Variants in TEKT3 observed in about 807,000 individuals in gnomAD.
TEKT3 encodes the protein tektin-3.
TEKT3 carries 49 observed loss-of-function variants against 49.8 expected under a neutral mutation model. The ratio of observed to expected loss-of-function variants is 0.98; its 90% CI spans 0.78 to 1.25. TEKT3 has a LOEUF of 1.25. Among genes scored for constraint, TEKT3 ranks in the 50% most tolerant of loss-of-function variants. The pLI is 0.00. For missense variants in TEKT3, 595 were observed against 629.5 expected (o/e 0.95, Z 0.59); for synonymous variants, 225 against 237.2 (o/e 0.95, Z 0.47).
intron 3 of TEKT3, among the ~76,000 whole-genome samples, chr17:15,328,455 G>A (rs1276538775): frequency 2.0e-5 from 3 of 152,156 alleles, no homozygotes; most frequent in African/African-American, 7.2e-5. Flanking sequence ...ATTTTCTACT[G>A]AGAATAGGAA....
At position 15,303,923 on chromosome 17, in the gene TEKT3, C is replaced by T. The variant is rs760951084; in HGVS notation, c.*13G>A. ...TTAACTTAGGGGTATCAAAACCACA[C>T]CCGGTGGGGTCCCTAGCAGAAGCCG... On this transcript the variant is annotated 3_prime_UTR_variant, in exon 9 of 9. Transcript: ENST00000395930. 2 of 1,613,322 alleles carry T rather than the reference C, an allele frequency of 1.2e-6. No homozygotes were observed. The highest frequency in any genetic ancestry group is 1.7e-6 in the Non-Finnish European group (2 of 1,179,880).
chr17:15,329,501 C>A (rs533321257), intron 3 of TEKT3, among the ~76,000 whole-genome samples: 1 of 152,264 alleles, frequency 6.6e-6, no homozygotes, highest in South Asian at 2.1e-4. Context: ...TAAAGGCAGT[C>A]AAGGGTAGGA....
intron 8 of TEKT3, among the ~76,000 whole-genome samples, chr17:15,306,639 C>T (rs1910563648): frequency 6.6e-6 from 1 of 151,766 alleles, no homozygotes; most frequent in Non-Finnish European, 1.5e-5. Context: ...TTCCGAAGTC[C>T]TATTAGACCA....
At chr17:15,316,158 G>A (rs544355518) in intron 5 of TEKT3, among the ~76,000 whole-genome samples, 7 of 152,348 alleles carry the variant, frequency 4.6e-5, no homozygotes, top group Admixed American at 3.9e-4. Flanking sequence ...TGCCTTAGGT[G>A]ATTATGCTGA....
At chr17:15,314,890 A>G (rs1272074918) in intron 5 of TEKT3, among the ~76,000 whole-genome samples, 1 of 152,176 alleles carries the variant, frequency 6.6e-6, no homozygotes, top group African/African-American at 2.4e-5. Flanking sequence ...TGCTGGAAGG[A>G]AGAGGCCTCA....
rs148143305 is a variant in TEKT3 at position 15,305,395 on chromosome 17, A to G, written c.1257-1243T>C. On this transcript the variant is annotated intron_variant, in intron 8 of 8. Coordinates refer to ENST00000395930, the MANE Select transcript of TEKT3 (RefSeq NM_031898.3). ...GGGGAAGAATTAAAGTTTAAGTGCCAAAGTTTGGTTTTGTCTGGGGACGGT... is the reference window on the plus strand; with the variant it reads ...GGGGAAGAATTAAAGTTTAAGTGCCGAAGTTTGGTTTTGTCTGGGGACGGT... Among the ~76,000 whole-genome samples, 516 of 152,336 alleles carry G rather than the reference A, an allele frequency of 3.4e-3. 3 individuals carry two copies. Among genetic ancestry groups the G allele is most frequent in the Non-Finnish European group, 6.1e-3 (415 of 68,028 alleles).
chr17:15,314,359 G>A lies in TEKT3; in HGVS notation c.735-129C>T, dbSNP rs183894221. On this transcript the variant is annotated intron_variant, in intron 5 of 8. Transcript: ENST00000395930. ...CACCATCTCTCCCTCTTCACACAGCGTTCAATTTCTCAGTCAAAACGAGCA... is the reference window on the plus strand; with the variant it reads ...CACCATCTCTCCCTCTTCACACAGCATTCAATTTCTCAGTCAAAACGAGCA... The A allele has an allele frequency of 2.0e-3, 2,604 of 1,301,900 alleles. 7 individuals are homozygous for A. The highest frequency in any genetic ancestry group is 2.3e-3 in the Non-Finnish European group (2,173 of 925,526). The allele number at this position is 1,301,900 out of a possible 1,614,324, so 80.6% of individuals were successfully genotyped here.
At chr17:15,310,241 G>A (rs1910713868) in intron 7 of TEKT3, among the ~76,000 whole-genome samples, 1 of 152,156 alleles carries the variant, frequency 6.6e-6, no homozygotes, top group Non-Finnish European at 1.5e-5. Flanking sequence ...CGTTTTCTGT[G>A]TGCATGTCTT....
chr17:15,323,297 C>T (rs1197699676), intron 4 of TEKT3, among the ~76,000 whole-genome samples: 1 of 152,178 alleles, frequency 6.6e-6, no homozygotes, highest in Non-Finnish European at 1.5e-5. Flanking sequence ...AAGGAAAAGC[C>T]TCTTGTGGGA....
At chr17:15,327,136 T>A (rs1392813844) in intron 4 of TEKT3, among the ~76,000 whole-genome samples, 1 of 149,434 alleles carries the variant, frequency 6.7e-6, no homozygotes, top group Non-Finnish European at 1.5e-5. Context: ...GCAACCTAAC[T>A]ATATAAGAGA....
At chr17:15,340,625 C>T (rs1912186441) in intron 1 of TEKT3, 1 of 152,052 alleles carries the variant, frequency 6.6e-6, no homozygotes, top group Non-Finnish European at 1.5e-5. Context: ...TAAGTAAATG[C>T]TAAATTCTGT....
At chr17:15,322,196 G>A (rs991303552) in intron 4 of TEKT3, among the ~76,000 whole-genome samples, 4 of 152,092 alleles carry the variant, frequency 2.6e-5, no homozygotes, top group Non-Finnish European at 5.9e-5. Flanking sequence ...AAGTGAAATC[G>A]CACTTGTACC....
At position 15,312,313 on chromosome 17, in the gene TEKT3, A is replaced by G; in HGVS notation, c.1047T>C (p.Asn349=). Residue 349 remains asparagine, a synonymous_variant, in exon 7 of 9, where the codon AAT becomes AAC. Transcript: ENST00000395930. ...TAGCATCTGCAGTCTCAGCAATGCG[A>G]TTGGTGAAAGACAAGTTCACTTTGT... ...QFNKVNLSFT[N]RIAETADAKN... is the part of the protein sequence containing the mutation. 1 of 1,614,252 alleles carries G rather than the reference A, an allele frequency of 6.2e-7. No homozygotes were observed.
At chr17:15,319,452 TA>T (rs80001871) in intron 4 of TEKT3, among the ~76,000 whole-genome samples, 20,699 of 146,704 alleles carry the variant, frequency 0.14, 1,547 homozygotes, top group East Asian at 0.24. Flanking sequence ...ATTAAAACAG[TA>T]AAAAAAAAAA....
At chr17:15,317,493 C>G (rs1024554873) in intron 5 of TEKT3, among the ~76,000 whole-genome samples, 2 of 152,150 alleles carry the variant, frequency 1.3e-5, no homozygotes, top group Admixed American at 1.3e-4. Context: ...TCACCAATTT[C>G]CAAATTAAAA....
At chr17:15,315,421 C>G (rs373958676) in intron 5 of TEKT3, among the ~76,000 whole-genome samples, 2 of 152,044 alleles carry the variant, frequency 1.3e-5, no homozygotes, top group East Asian at 3.9e-4. Context: ...AACAGACTGC[C>G]GGGGGCAGGA....
rs931027960 is a variant in TEKT3 at position 15,308,778 on chromosome 17, G to T, written c.1142C>A (p.Ser381Tyr). ...EIFQTEMTIE[S>Y]IKKAIKDKTA... ...CTTGTCCTTGATGGCCTTCTTGATG[G>T]ATTCTATGGTCATTTCAGTCTGGAA... The change falls in exon 8 of 9, where the codon TCC becomes TAC. Residue 381 changes from serine to tyrosine, a missense_variant. Ser to Tyr is a moderately radical substitution (Grantham distance 144). Coordinates refer to ENST00000395930, the MANE Select transcript of TEKT3 (RefSeq NM_031898.3). The T allele has an allele frequency of 1.2e-6, 2 of 1,614,090 alleles. No individual in the cohort carries two copies. The highest frequency in any genetic ancestry group is 1.7e-6 in the Non-Finnish European group (2 of 1,180,022).
chr17:15,314,121 C>G lies in TEKT3; in HGVS notation c.844G>C (p.Gly282Arg), dbSNP rs544798302. Reference protein sequence around the residue: ...HHLRNTSDGVGYFRGVERVDA... With the variant: ...HHLRNTSDGVRYFRGVERVDA... ...ACCCTCTCCACTCCGCGGAAGTAGC[C>G]GACACCGTCTGATGTGTTGCGCAGG... Residue 282 changes from glycine to arginine, a missense_variant, in exon 6 of 9, where the codon GGC becomes CGC. Gly to Arg is a moderately radical substitution (Grantham distance 125, BLOSUM62 -2). Transcript: ENST00000395930. 6.2e-7 allele frequency: 1 copy of G among 1,614,182 alleles called. No homozygotes were observed. The highest frequency in any genetic ancestry group is 8.5e-7 in the Non-Finnish European group (1 of 1,180,042).
intron 4 of TEKT3, among the ~76,000 whole-genome samples, chr17:15,322,496 G>C (rs432432): frequency 0.67 from 102,389 of 152,064 alleles, 35,147 homozygotes; most frequent in African/African-American, 0.8. Context: ...CTGCTATACT[G>C]TCAGCTGAGG....
Sources: gnomAD v4.1 joint callset for allele counts (sites outside exome capture counted in the v4.1 genomes callset) on GRCh38, gnomAD v4.1.1 for gene constraint, MANE v1.5 for transcripts, NCBI Gene and HGNC (gene_info 2026-07-23, HGNC 2026-07-21) for gene names.